Variants in GET1 observed in about 807,000 individuals in gnomAD.
GET1 encodes congenital heart disease 5 protein.
In GET1, 20 loss-of-function variants were observed where a neutral mutation model predicts 22.6. That is an observed-to-expected ratio of 0.89 (90% CI 0.62 to 1.29). GET1 has a LOEUF of 1.29. GET1 is among the 50% of genes most tolerant of loss of function. The probability of loss-of-function intolerance (pLI) is 0.00; values close to 1 mark genes in which losing one functional copy is unlikely to be tolerated. For synonymous variants in GET1, 92 were observed against 83.8 expected (o/e 1.10, Z -0.53); for missense variants, 209 against 219.9 (o/e 0.95, Z 0.31).
At position 39,390,724 on chromosome 21, in the gene GET1, G is replaced by A. The variant is rs201996451; in HGVS notation, c.129G>A (p.Ala43=). The A allele has an allele frequency of 4.3e-5, 70 of 1,614,002 alleles. No homozygotes were observed. Among genetic ancestry groups the A allele is most frequent in the Non-Finnish European group, 5.4e-5 (64 of 1,180,032 alleles). Residue 43 remains alanine (A), a synonymous_variant, in exon 2 of 5, where the codon GCG becomes GCA. Transcript: ENST00000649170. The part of the protein sequence containing the change: ...SFMSRVLQKD[A]EQESQMRAEI... ...TGTCCAGGGTGCTGCAGAAGGACGCGGAGCAGGAGTCACAGATGAGAGCGG... is the reference window on the plus strand; with the variant it reads ...TGTCCAGGGTGCTGCAGAAGGACGCAGAGCAGGAGTCACAGATGAGAGCGG...
At chr21:39,390,578 A>T in intron 1 of GET1, 120 bp from the exon 2 acceptor site, 1 of 1,322,458 alleles carries the variant, frequency 7.6e-7, no homozygotes, top group Non-Finnish European at 1.0e-6. Context: ...TCCTGCAGGG[A>T]CGCACACAAC....
chr21:39,401,134 C>T (rs1431335736), downstream of GET1, among the ~76,000 whole-genome samples: 1 of 151,988 alleles, frequency 6.6e-6, no homozygotes, highest in East Asian at 1.9e-4. Flanking sequence ...AGGTTGGTCT[C>T]GAACTCCTGG....
downstream of GET1, among the ~76,000 whole-genome samples, chr21:39,400,764 A>G (rs955985833): frequency 6.6e-6 from 1 of 152,140 alleles, no homozygotes; most frequent in Non-Finnish European, 1.5e-5. Flanking sequence ...GTATCAATCT[A>G]TTGACACGCA....
At chr21:39,403,602 C>T (rs373729832) in intron 4 of GET1, among the ~76,000 whole-genome samples, 2 of 149,904 alleles carry the variant, frequency 1.3e-5, no homozygotes, top group East Asian at 4.0e-4. Flanking sequence ...GGTGAGCCAC[C>T]GCTCCCGGTC....
chr21:39,423,609 C>T (rs1166495955), intron 1 of GET1: 9 of 791,662 alleles, frequency 1.1e-5, no homozygotes, highest in Admixed American at 2.9e-5. Context: ...TACACACAAG[C>T]GTAAGTGTAA....
rs2038727437 is a variant in GET1, at chr21:39,397,641, A to G, written c.*702A>G. 6.6e-6 allele frequency: 1 copy of G among 151,866 alleles called. No individual in the cohort carries two copies. The allele number at this position is 151,866 out of a possible 1,614,324, so 9.4% of individuals were successfully genotyped here. A position where few individuals can be genotyped will look rare whatever the true frequency, so the allele number is the denominator to read the frequency against. Reference sequence around the variant, plus strand: ...TGTATTTTATAAGCATTTAATATTTATGCTCTTTAGAATGGAACACAGAAA... The same window carrying G: ...TGTATTTTATAAGCATTTAATATTTGTGCTCTTTAGAATGGAACACAGAAA... On this transcript the variant is annotated 3_prime_UTR_variant, in exon 5 of 5. Coordinates refer to ENST00000649170, the MANE Select transcript of GET1 (RefSeq NM_004627.6).
intron 1 of GET1, chr21:39,411,671 A>G: frequency 1.1e-6 from 1 of 948,020 alleles, no homozygotes; most frequent in Non-Finnish European, 1.6e-6. Flanking sequence ...GGAAAATCTG[A>G]CTAGATACTT....
intron 1 of GET1, 58 bp downstream of exon 1, chr21:39,380,544 G>A (rs2037489375): frequency 1.3e-6 from 2 of 1,568,716 alleles, no homozygotes; most frequent in East Asian, 2.3e-5. Context: ...GTCCCCCGGC[G>A]GGTCTGGCGT....
chr21:39,390,458 G>A (rs947776139), intron 1 of GET1, among the ~76,000 whole-genome samples: 17 of 152,132 alleles, frequency 1.1e-4, no homozygotes, highest in African/African-American at 3.9e-4. Context: ...TGTCATGGTG[G>A]GGCTAGTTTG....
In GET1 at chr21:39,417,909, G is replaced by A. The variant is rs567199739; in HGVS notation, c.*23+6972G>A. 3.9e-5 allele frequency among the ~76,000 whole-genome samples: 6 copies of A among 152,164 alleles called. No homozygotes were observed. In the East Asian group the frequency reaches 9.7e-4, roughly 24 times the overall value. On this transcript the variant is annotated intron_variant, in intron 1 of 1. Coordinates refer to the GET1 transcript ENST00000478273. Reference sequence around the variant, plus strand: ...GCCTCCCAAGTAGCTGGGACTACAGGTGCCCGCCACCATGCCTGGTTAATT... The same window carrying A: ...GCCTCCCAAGTAGCTGGGACTACAGATGCCCGCCACCATGCCTGGTTAATT...
At chr21:39,419,948 T>A (rs2042004689) in intron 1 of GET1, among the ~76,000 whole-genome samples, 1 of 152,190 alleles carries the variant, frequency 6.6e-6, no homozygotes, top group African/African-American at 2.4e-5. Flanking sequence ...TCAAACACAT[T>A]TTTAAGTAAA....
chr21:39,422,983 T>G, intron 1 of GET1: 1 of 1,613,376 alleles, frequency 6.2e-7, no homozygotes, highest in Non-Finnish European at 8.5e-7. Context: ...GACCTGTATT[T>G]TTTTGTCATT....
chr21:39,391,929 G>C (rs2038324839), intron 3 of GET1, 93 bp downstream of exon 3: 2 of 1,242,736 alleles, frequency 1.6e-6, no homozygotes, highest in Admixed American at 1.7e-5. Flanking sequence ...AGTTCGGGCT[G>C]TTCCACCTTC....
At chr21:39,403,500 T>C (rs1191354107) in intron 4 of GET1, among the ~76,000 whole-genome samples, 1 of 150,340 alleles carries the variant, frequency 6.7e-6, no homozygotes, top group Non-Finnish European at 1.5e-5. Context: ...TAATTTTTTG[T>C]TATTTTTAGT....
At chr21:39,387,583 C>G (rs1262801200) in intron 1 of GET1, among the ~76,000 whole-genome samples, 1 of 152,078 alleles carries the variant, frequency 6.6e-6, no homozygotes, top group African/African-American at 2.4e-5. Flanking sequence ...ACAAAGAGAG[C>G]TGGATTTGAA....
chr21:39,414,039 AAC>A (rs2147285498), intron 1 of GET1: 1 of 152,402 alleles, frequency 6.6e-6, no homozygotes, highest in Non-Finnish European at 1.5e-5. Context: ...CCAGAAGTCT[AAC>A]ACAGCCTGTT....
downstream of GET1, among the ~76,000 whole-genome samples, chr21:39,400,995 C>T (rs1449676869): frequency 6.6e-6 from 1 of 151,902 alleles, no homozygotes; most frequent in African/African-American, 2.4e-5. Context: ...ACTACAACCT[C>T]GTGCTCCTGG....
intron 4 of GET1, among the ~76,000 whole-genome samples, 181 bp from the exon 5 acceptor site, chr21:39,396,685 C>CAA (rs5843962): frequency 2.0e-5 from 2 of 97,868 alleles, no homozygotes; most frequent in African/African-American, 3.9e-5. Context: ...GACTCCGTCT[C>CAA]AAAAAAAAAA....
At chr21:39,413,546 T>C (rs1021212117) in intron 1 of GET1, among the ~76,000 whole-genome samples, 1 of 152,206 alleles carries the variant, frequency 6.6e-6, no homozygotes, top group Non-Finnish European at 1.5e-5. Flanking sequence ...AATTAGTTTA[T>C]TATCAGAGGT....
Sources: allele counts gnomAD v4.1 joint callset (sites outside exome capture counted in the v4.1 genomes callset), GRCh38; gene constraint gnomAD v4.1.1; transcripts MANE v1.5; gene names NCBI Gene and HGNC (gene_info 2026-07-23, HGNC 2026-07-21).